The following MOV10 variants were observed in gnomAD, a reference collection of about 807,000 sequenced individuals.
MOV10 encodes the protein Mov10 RNA helicase.
A neutral mutation model predicts 108.4 loss-of-function variants in MOV10; 39 were observed. The ratio of observed to expected loss-of-function variants is 0.36; its 90% CI spans 0.28 to 0.47. The LOEUF (loss-of-function observed/expected upper bound fraction) is 0.47, where lower values mean the gene tolerates loss of function less well. Among genes scored for constraint, MOV10 ranks in the 20% least tolerant of loss-of-function variants. The probability of loss-of-function intolerance (pLI) is 1.00; values close to 1 mark genes in which losing one functional copy is unlikely to be tolerated. For synonymous variants in MOV10, 490 were observed against 523.1 expected (o/e 0.94, Z 0.86); for missense variants, 952 against 1,297.6 (o/e 0.73, Z 4.09).
At chr1:112,684,503 G>C (rs567730619) in intron 2 of MOV10, among the ~76,000 whole-genome samples, 1 of 147,384 alleles carries the variant, frequency 6.8e-6, no homozygotes, top group Non-Finnish European at 1.5e-5. Flanking sequence ...CCCGACCTCA[G>C]GTGATCCGCC....
rs532172421 is a variant in MOV10, at chr1:112,678,151, T to G, written c.137+3102T>G. Among the ~76,000 whole-genome samples, 5 of 152,236 alleles carry G rather than the reference T, an allele frequency of 3.3e-5. 1 individual carries two copies. The highest frequency in any genetic ancestry group is 1.2e-4 in the African/African-American group (5 of 41,484). On this transcript the variant is annotated intron_variant, in intron 2 of 20. Coordinates refer to ENST00000369645, the MANE Select transcript of MOV10 (RefSeq NM_001321324.2). ...TGTAAGAGTATGTAAAATAGTACCT[T>G]TCTCTCGGGGTTGTGAGAGACCAAA...
intron 10 of MOV10, 136 bp downstream of exon 10, chr1:112,695,032 G>C: frequency 1.8e-6 from 2 of 1,094,028 alleles, no homozygotes; most frequent in Non-Finnish European, 2.6e-6. Flanking sequence ...GGTAGGGGCC[G>C]GGTGCAGTGG....
Position 112,675,033 on chromosome 1 carries a change from CG to C in MOV10, c.122del (p.Arg41ProfsTer21). 6.3e-7 allele frequency: 1 copy of C among 1,594,070 alleles called. No individual in the cohort carries two copies. Among genetic ancestry groups the C allele is most frequent in the Non-Finnish European group, 8.5e-7 (1 of 1,170,820 alleles). ...DRERLRTIYN[R>X]DFKISFGTPA... ...CGAGCGGCTGCGGACCATTTATAACCGCGACTTCAAGATCAGGTACGGGCCG... is the reference window on the plus strand; with the variant it reads ...CGAGCGGCTGCGGACCATTTATAACCCGACTTCAAGATCAGGTACGGGCCG... On this transcript the variant is annotated frameshift_variant, in exon 2 of 21. Coordinates refer to ENST00000369645, the MANE Select transcript of MOV10 (RefSeq NM_001321324.2). LOFTEE classifies it high-confidence loss of function. This position sits in a 1 kb window ranked among gnomAD's most constrained non-coding sequence, Gnocchi z 4.7.
In MOV10 at chr1:112,696,131, C is replaced by G; in HGVS notation, c.1780-17C>G. 1 of 1,574,196 alleles carries G rather than the reference C, an allele frequency of 6.4e-7. No individual in the cohort carries two copies. The highest frequency in any genetic ancestry group is 8.7e-7 in the Non-Finnish European group (1 of 1,146,172). On this transcript the variant is annotated splice_polypyrimidine_tract_variant and intron_variant, in intron 11 of 20. Transcript: ENST00000369645. The stretch of plus-strand genomic sequence containing the variant: ...GTGGAGCCAAGCTGATTCCTCTGGT[C>G]CCTTCACAATCCACAGCCCTGCTGC...
In MOV10 at chr1:112,694,525, C is replaced by T. The variant is rs1202020255; in HGVS notation, c.1368C>T (p.Val456=). ...CCTTCAACCGCCAGCCGCTGCGAGT[C>T]CAGCACCGTGCCCTGGAGCTGACAG... The part of the protein sequence containing the change: ...NFTFNRQPLR[V]QHRALELTGR... Residue 456 remains valine (V), a synonymous_variant, in exon 9 of 21, where the codon GTC becomes GTT. Coordinates refer to ENST00000369645, the MANE Select transcript of MOV10 (RefSeq NM_001321324.2). This position sits in a 1 kb window ranked among gnomAD's most constrained non-coding sequence, Gnocchi z 4.1. 1 of 1,614,040 alleles carries T rather than the reference C, an allele frequency of 6.2e-7. No homozygotes were observed. The highest frequency in any genetic ancestry group is 8.5e-7 in the Non-Finnish European group (1 of 1,180,038).
intron 12 of MOV10, 69 bp downstream of exon 12, chr1:112,696,320 G>A (rs754921658): frequency 7.0e-7 from 1 of 1,434,678 alleles, no homozygotes; most frequent in East Asian, 2.3e-5. Context: ...CTGGGGAAAT[G>A]GGGAAGAATG....
chr1:112,694,237 G>A lies in MOV10; in HGVS notation c.1295+65G>A. ...CAGACTTCTGACCCCAGGGGAGGAG[G>A]AGTGTTTCTCCCTGAGATAAATGAG... is the stretch of plus-strand genomic sequence containing the variant. On this transcript the variant is annotated intron_variant, in intron 8 of 20. Transcript: ENST00000369645. The surrounding 1 kb of genome is among the most constrained non-coding windows in gnomAD (Gnocchi z 4.1). 6.3e-7 allele frequency: 1 copy of A among 1,583,480 alleles called. No homozygotes were observed. The highest frequency in any genetic ancestry group is 2.2e-5 in the East Asian group (1 of 44,670).
In MOV10 at chr1:112,696,796, C is replaced by A. The variant is rs368417389; in HGVS notation, c.2148C>A (p.Gly716=). ...CCTACAACTCCCTGTACAAGAAGGGCCCTGATGGCTATGACCCCCAGTTCA... is the reference window on the plus strand; with the variant it reads ...CCTACAACTCCCTGTACAAGAAGGGACCTGATGGCTATGACCCCCAGTTCA... ...LLTYNSLYKK[G]PDGYDPQFIT... The change falls in exon 14 of 21, where the codon GGC becomes GGA. Residue 716 remains glycine, a synonymous_variant. Coordinates refer to ENST00000369645, the MANE Select transcript of MOV10 (RefSeq NM_001321324.2). 66 of 1,605,740 alleles carry A rather than the reference C, an allele frequency of 4.1e-5. No homozygotes were observed. The highest frequency in any genetic ancestry group is 5.4e-5 in the Non-Finnish European group (63 of 1,175,776).
At chr1:112,693,265 C>T (rs1014910956) in intron 7 of MOV10, among the ~76,000 whole-genome samples, 14 of 152,100 alleles carry the variant, frequency 9.2e-5, no homozygotes, top group Admixed American at 2.6e-4. Context: ...CATATAAGCC[C>T]AAAATTACAC....
chr1:112,695,903 A>G (rs1674028988), intron 11 of MOV10, among the ~76,000 whole-genome samples: 1 of 152,126 alleles, frequency 6.6e-6, no homozygotes, highest in Non-Finnish European at 1.5e-5. Context: ...TCAGCTGAGT[A>G]TGGTGGCGCG....
chr1:112,700,477 A>C lies in MOV10; in HGVS notation c.2982A>C (p.Gln994His). 1.2e-6 allele frequency: 2 copies of C among 1,613,886 alleles called. No homozygotes were observed. Among genetic ancestry groups the C allele is most frequent in the Non-Finnish European group, 1.7e-6 (2 of 1,179,926 alleles). The change falls in exon 21 of 21, where the codon CAA (glutamine) becomes CAC (histidine). Residue 994 changes from glutamine to histidine, a missense_variant. Physicochemically the swap from Gln to His is conservative, Grantham distance 24. This residue lies in a region of MOV10 where 42 missense variants were observed against 36.5 expected (regional missense o/e 1.15). Coordinates refer to ENST00000369645, the MANE Select transcript of MOV10 (RefSeq NM_001321324.2). ...AGGGTGAAGGGGGCCTGTCTCTGCA[A>C]GTGGAGCCAGAGTGGAGGAATGAGC... ...EREGEGGLSL[Q>H]VEPEWRNEL
At position 112,694,133 on chromosome 1, in the gene MOV10, A is replaced by T. The variant is rs1446673879; in HGVS notation, c.1256A>T (p.Lys419Met). 3.1e-6 allele frequency: 5 copies of T among 1,614,090 alleles called. No homozygotes were observed. In the East Asian group the frequency reaches 1.1e-4, roughly 36 times the overall value. The change falls in exon 8 of 21, where the codon AAG becomes ATG. Residue 419 changes from lysine to methionine, a missense_variant. Physicochemically the swap from Lys to Met is moderately conservative, Grantham distance 95 (BLOSUM62 -1). Around this residue, in one of 5 missense-constraint regions of MOV10, gnomAD observed 453 missense variants for 611.5 expected, o/e 0.74. Coordinates refer to ENST00000369645, the MANE Select transcript of MOV10 (RefSeq NM_001321324.2). This position sits in a 1 kb window ranked among gnomAD's most constrained non-coding sequence, Gnocchi z 4.1. ...ATCACATATAAGGGCTTTGTGCACA[A>T]GGTGGAATTGGACCGTGTCAAGCTG... is the stretch of plus-strand genomic sequence containing the variant. ...DPITYKGFVH[K>M]VELDRVKLSF... is the part of the protein sequence containing the mutation.
At position 112,675,107 on chromosome 1, in the gene MOV10, C is replaced by T. The variant is rs1002750117; in HGVS notation, c.137+58C>T. On this transcript the variant is annotated intron_variant, in intron 2 of 20. Coordinates refer to ENST00000369645, the MANE Select transcript of MOV10 (RefSeq NM_001321324.2). This position sits in a 1 kb window ranked among gnomAD's most constrained non-coding sequence, Gnocchi z 4.7. ...CGGGCCCAGCTTGCTGCCACGACCCCCGCGCGAGGGCCACCTTTCCCGCCC... is the reference window on the plus strand; with the variant it reads ...CGGGCCCAGCTTGCTGCCACGACCCTCGCGCGAGGGCCACCTTTCCCGCCC... 1 of 1,561,530 alleles carries T rather than the reference C, an allele frequency of 6.4e-7. No individual in the cohort carries two copies. The highest frequency in any genetic ancestry group is 8.6e-7 in the Non-Finnish European group (1 of 1,157,700).
In MOV10 at chr1:112,674,713, C is replaced by T. The variant is rs1672036583; in HGVS notation, c.-82C>T. The T allele has an allele frequency of 1.9e-6, 1 of 514,384 alleles. No homozygotes were observed. The highest frequency in any genetic ancestry group is 3.4e-6 in the Non-Finnish European group (1 of 297,992). 31.9% of individuals were successfully genotyped at this position (514,384 alleles called of 1,614,324 possible). On this transcript the variant is annotated 5_prime_UTR_variant, in exon 1 of 21. Coordinates refer to ENST00000369645, the MANE Select transcript of MOV10 (RefSeq NM_001321324.2). The stretch of plus-strand genomic sequence containing the variant: ...AGGGGGAGGGGATAGGACGAAGAAA[C>T]CGAAGGGAAAGCTCAGGTAAGAAAA...
chr1:112,690,199 C>G (rs772718841), intron 5 of MOV10, 101 bp downstream of exon 5: 1 of 1,415,296 alleles, frequency 7.1e-7, no homozygotes. Context: ...AGCCCTTTTC[C>G]TACAGGCTCT....
intron 4 of MOV10, 57 bp downstream of exon 4, chr1:112,689,707 T>C (rs1673407558): frequency 6.3e-7 from 1 of 1,594,138 alleles, no homozygotes; most frequent in Non-Finnish European, 8.6e-7. Flanking sequence ...CAGGCAGTGC[T>C]TATGCTTTGG....
At chr1:112,693,052 C>G in intron 7 of MOV10, 123 bp downstream of exon 7, 1 of 928,180 alleles carries the variant, frequency 1.1e-6, no homozygotes, top group Non-Finnish European at 1.6e-6. Context: ...CCCAGGGCTC[C>G]GCAAGAAGCA....
At chr1:112,682,456 T>C (rs984512826) in intron 2 of MOV10, among the ~76,000 whole-genome samples, 2 of 152,204 alleles carry the variant, frequency 1.3e-5, no homozygotes, top group African/African-American at 4.8e-5. Flanking sequence ...CTTTTGGGAT[T>C]ACAGGTATGA....
rs1030560821 is a variant in MOV10 at position 112,696,397 on chromosome 1, G to C, written c.1884-40G>C. The C allele has an allele frequency of 3.3e-6, 5 of 1,530,204 alleles. No individual in the cohort carries two copies. The East Asian group carries it at 9.0e-5, about 28-fold the overall frequency. 94.8% of individuals were successfully genotyped at this position (1,530,204 alleles called of 1,614,324 possible). A position where few individuals can be genotyped will look rare whatever the true frequency, so the allele number is the denominator to read the frequency against. ...GAAAGCATTCAGGTTTGGTAGTTGG[G>C]TGCCTGGATATGACCCCTGCCTGGC... On this transcript the variant is annotated intron_variant, in intron 12 of 20. Transcript: ENST00000369645.
Sources: gnomAD v4.1 joint callset for allele counts (sites outside exome capture counted in the v4.1 genomes callset) on GRCh38, gnomAD v4.1.1 for gene constraint, gnomAD v4.1.1 regional missense constraint, Gnocchi (gnomAD v3.1) non-coding constraint, MANE v1.5 for transcripts, NCBI Gene and HGNC (gene_info 2026-07-23, HGNC 2026-07-21) for gene names.